NRG1: variants seen among roughly 807,000 people sequenced by gnomAD.
The protein encoded by NRG1 is neuregulin 1.
NRG1 carries 18 observed loss-of-function variants against 63.8 expected under a neutral mutation model. The ratio of observed to expected loss-of-function variants is 0.28; its 90% CI spans 0.19 to 0.42. NRG1 has a LOEUF of 0.42. NRG1 is among the 10% of genes least tolerant of loss of function. NRG1 has a pLI of 1.00. For missense variants in NRG1, 762 were observed against 814.7 expected (o/e 0.94, Z 0.79); for synonymous variants, 302 against 301.3 (o/e 1.00, Z -0.02).
intron 1 of NRG1, among the ~76,000 whole-genome samples, chr8:32,254,194 T>C (rs1329360971): frequency 6.6e-6 from 1 of 152,186 alleles, no homozygotes; most frequent in Non-Finnish European, 1.5e-5. Context: ...TCTCCTTCCG[T>C]TCTGCTCTGT....
At chr8:31,760,140 A>G (rs1228728152) in intron 1 of NRG1, among the ~76,000 whole-genome samples, 1 of 152,106 alleles carries the variant, frequency 6.6e-6, no homozygotes, top group African/African-American at 2.4e-5. Context: ...GTTGTCCTGA[A>G]TGGTAACGCC....
At chr8:32,439,219 T>C (rs1168697195) in intron 1 of NRG1, among the ~76,000 whole-genome samples, 1 of 152,192 alleles carries the variant, frequency 6.6e-6, no homozygotes, top group Non-Finnish European at 1.5e-5. Flanking sequence ...TAGTTAACAG[T>C]TATTTTTTGC....
intron 1 of NRG1, among the ~76,000 whole-genome samples, chr8:32,138,270 T>G (rs1220021684): frequency 6.6e-6 from 1 of 152,110 alleles, no homozygotes; most frequent in African/African-American, 2.4e-5. Context: ...ATTGTTTCAC[T>G]GCGGACAGAA....
chr8:32,223,803 CG>C (rs1190607827), intron 1 of NRG1, among the ~76,000 whole-genome samples: 1 of 151,698 alleles, frequency 6.6e-6, no homozygotes, highest in Non-Finnish European at 1.5e-5. Flanking sequence ...AGGCCCGTAG[CG>C]GAAAATTATG....
At chr8:32,274,289 C>T (rs1200272299) in intron 1 of NRG1, among the ~76,000 whole-genome samples, 2 of 152,166 alleles carry the variant, frequency 1.3e-5, no homozygotes, top group African/African-American at 4.8e-5. Flanking sequence ...AAACAATGCA[C>T]GTGCAACTTT....
intron 1 of NRG1, among the ~76,000 whole-genome samples, chr8:32,220,232 T>A (rs1231814497): frequency 6.6e-6 from 1 of 152,226 alleles, no homozygotes; most frequent in Non-Finnish European, 1.5e-5. Flanking sequence ...TTTTTAAAAA[T>A]GTCTTTCTTA....
chr8:31,646,854 C>G (rs1804336874), intron 1 of NRG1, among the ~76,000 whole-genome samples: 1 of 152,198 alleles, frequency 6.6e-6, no homozygotes, highest in Non-Finnish European at 1.5e-5. Context: ...GGACACTGTT[C>G]CCTTCTCTTC....
intron 1 of NRG1, among the ~76,000 whole-genome samples, chr8:32,244,963 A>T (rs1332524114): frequency 1.3e-5 from 2 of 152,204 alleles, no homozygotes; most frequent in African/African-American, 4.8e-5. Context: ...AAAATCTTTC[A>T]GTTACACAGT....
chr8:32,453,409 C>A (rs1433205856), intron 1 of NRG1, among the ~76,000 whole-genome samples: 1 of 152,146 alleles, frequency 6.6e-6, no homozygotes, highest in Non-Finnish European at 1.5e-5. Flanking sequence ...CATAAACAAG[C>A]AGTAAATCAC....
chr8:31,855,370 C>T lies in NRG1; in HGVS notation c.37+215939C>T, dbSNP rs1443228679. Among the ~76,000 whole-genome samples the T allele has an allele frequency of 5.3e-5, 8 of 152,212 alleles. No homozygotes were observed. The East Asian group carries it at 1.2e-3, about 22-fold the overall frequency. ...TGATCCCTTTACCATTATGTAATGG[C>T]CTTCTTTGTCTCTTTTGATCTTTGT... is the stretch of plus-strand genomic sequence containing the variant. On this transcript the variant is annotated intron_variant, in intron 1 of 10. Transcript: ENST00000519301.
At position 31,734,062 on chromosome 8, in the gene NRG1, C is replaced by G. The variant is rs150144299; in HGVS notation, c.37+94631C>G. On this transcript the variant is annotated intron_variant, in intron 1 of 10. Transcript: ENST00000519301. ...ACCATCTTTTTAAGCAGAGCACAGGCCTGGGCAGTGGCTCATGCATGTAAT... is the reference window on the plus strand; with the variant it reads ...ACCATCTTTTTAAGCAGAGCACAGGGCTGGGCAGTGGCTCATGCATGTAAT... 3.9e-3 allele frequency among the ~76,000 whole-genome samples: 587 copies of G among 152,234 alleles called. 1 individual carries two copies. Among genetic ancestry groups the G allele is most frequent in the South Asian group, 0.019 (91 of 4,828 alleles).
chr8:32,485,240 A>G (rs1003825901), intron 1 of NRG1, among the ~76,000 whole-genome samples: 1 of 151,752 alleles, frequency 6.6e-6, no homozygotes, highest in Non-Finnish European at 1.5e-5. Flanking sequence ...TCAGCCTCCC[A>G]AGGAGCTGGG....
intron 1 of NRG1, among the ~76,000 whole-genome samples, chr8:31,689,190 C>T (rs188076038): frequency 6.6e-6 from 1 of 152,146 alleles, no homozygotes; most frequent in Non-Finnish European, 1.5e-5. Flanking sequence ...ATTCCATATG[C>T]ACCTTTCTTA....
At chr8:32,284,900 C>T (rs1277930230) in intron 1 of NRG1, among the ~76,000 whole-genome samples, 1 of 152,178 alleles carries the variant, frequency 6.6e-6, no homozygotes, top group East Asian at 1.9e-4. Flanking sequence ...CTTCCCGTCA[C>T]TCTCTGGGGC....
intron 1 of NRG1, among the ~76,000 whole-genome samples, chr8:31,680,159 A>G: frequency 6.6e-6 from 1 of 152,020 alleles, no homozygotes; most frequent in Non-Finnish European, 1.5e-5. Context: ...TTATTATTAT[A>G]CTTTAAGTTT....
intron 1 of NRG1, among the ~76,000 whole-genome samples, chr8:32,012,130 G>A (rs58846391): frequency 0.026 from 3,901 of 152,136 alleles, 185 homozygotes; most frequent in African/African-American, 0.09. Context: ...CTTTCTATTG[G>A]AAGCAAGCAA....
chr8:32,389,111 C>T (rs1305586736), intron 1 of NRG1, among the ~76,000 whole-genome samples: 4 of 152,320 alleles, frequency 2.6e-5, no homozygotes, highest in African/African-American at 9.6e-5. Flanking sequence ...CTTAAAACGT[C>T]TGTCCAGCAC....
At chr8:32,548,158 G>T, upstream of NRG1, 1 of 936,614 alleles carries the variant, frequency 1.1e-6, no homozygotes, top group Non-Finnish European at 1.3e-6. Context: ...GCTCCTCCCG[G>T]TGGCGTGTCC....
intron 1 of NRG1, among the ~76,000 whole-genome samples, chr8:32,345,826 C>T (rs994232776): frequency 1.2e-4 from 18 of 151,604 alleles, no homozygotes; most frequent in Non-Finnish European, 2.5e-4. Flanking sequence ...CCTGCAGAGA[C>T]GGCCAACCCC....
Sources: allele counts gnomAD v4.1 joint callset (sites outside exome capture counted in the v4.1 genomes callset), GRCh38; gene constraint gnomAD v4.1.1; transcripts MANE v1.5; gene names NCBI Gene and HGNC (gene_info 2026-07-23, HGNC 2026-07-21).